Variants in LYPD6 observed in about 807,000 individuals in gnomAD.
LYPD6 encodes ly6/PLAUR domain-containing protein 6.
A neutral mutation model predicts 22.7 loss-of-function variants in LYPD6; 15 were observed. The observed-to-expected ratio is 0.66, with a 90% CI of 0.44 to 1.02. LYPD6 has a LOEUF of 1.02. Among genes scored for constraint, LYPD6 ranks in the 50% least tolerant of loss-of-function variants. LYPD6 has a pLI of 0.00. For missense variants in LYPD6, 189 were observed against 208.4 expected, an observed-to-expected ratio of 0.91 and a Z score of 0.57; for synonymous variants, 72 against 77.5, an observed-to-expected ratio of 0.93 and a Z score of 0.37.
intron 1 of LYPD6, among the ~76,000 whole-genome samples, chr2:149,341,190 C>A (rs1405573): frequency 6.6e-6 from 1 of 151,816 alleles, no homozygotes; most frequent in Non-Finnish European, 1.5e-5. Flanking sequence ...AAGAACTACC[C>A]GAGTGAATTC....
At chr2:149,377,781 ACCCCCC>A (rs70994571) in intron 1 of LYPD6, among the ~76,000 whole-genome samples, 3 of 94,252 alleles carry the variant, frequency 3.2e-5, no homozygotes, top group Admixed American at 1.1e-4. Flanking sequence ...CTTTGTCCCC[ACCCCCC>A]CCCCCACCCC....
intron 3 of LYPD6, among the ~76,000 whole-genome samples, chr2:149,451,539 A>G (rs1680810432): frequency 6.6e-6 from 1 of 151,968 alleles, no homozygotes; most frequent in Admixed American, 6.5e-5. Context: ...GTTTGATGGT[A>G]TACAAGTATA....
At chr2:149,443,994 T>A (rs1027238212) in intron 2 of LYPD6, among the ~76,000 whole-genome samples, 3 of 144,846 alleles carry the variant, frequency 2.1e-5, no homozygotes, top group Non-Finnish European at 4.5e-5. Context: ...AGTGCAGTGG[T>A]GCAATCTCAG....
chr2:149,398,837 A>G (rs886509168), intron 1 of LYPD6, among the ~76,000 whole-genome samples: 6 of 152,192 alleles, frequency 3.9e-5, no homozygotes, highest in African/African-American at 1.4e-4. Context: ...ATCCTAACAA[A>G]AAGGTATAAA....
At chr2:149,400,838 G>C (rs1682539208) in intron 1 of LYPD6, among the ~76,000 whole-genome samples, 2 of 152,142 alleles carry the variant, frequency 1.3e-5, no homozygotes, top group Admixed American at 1.3e-4. Flanking sequence ...TGTAAATCTA[G>C]ATGGATCCTC....
intron 1 of LYPD6, among the ~76,000 whole-genome samples, chr2:149,414,918 G>A (rs1682929794): frequency 6.6e-6 from 1 of 152,186 alleles, no homozygotes; most frequent in African/African-American, 2.4e-5. Context: ...GGGTGCGTTT[G>A]TCCTCCTGTT....
In LYPD6 at chr2:149,470,839, C is replaced by A; in HGVS notation, c.505C>A (p.Leu169Ile). The A allele has an allele frequency of 6.2e-7, 1 of 1,612,484 alleles. No individual in the cohort carries two copies. Among genetic ancestry groups the A allele is most frequent in the Non-Finnish European group, 8.5e-7 (1 of 1,178,956 alleles). ...IVSCLWLWLG[L>I]ML is the part of the protein sequence containing the mutation. ...GTCCTGCTTGTGGTTGTGGTTAGGG[C>A]TCATGTTATAGTGGCTCAGTGGCTC... The change falls in exon 5 of 5, where the codon CTC becomes ATC. Residue 169 changes from leucine to isoleucine, a missense_variant. Physicochemically the swap from Leu to Ile is conservative, Grantham distance 5 (BLOSUM62 2). Transcript: ENST00000334166.
chr2:149,413,127 G>A (rs1295024382), intron 1 of LYPD6, among the ~76,000 whole-genome samples: 1 of 152,144 alleles, frequency 6.6e-6, no homozygotes, highest in Non-Finnish European at 1.5e-5. Context: ...AGTACCATCT[G>A]CAGTTGGCCT....
At chr2:149,403,028 A>G (rs917261608) in intron 1 of LYPD6, among the ~76,000 whole-genome samples, 149 of 151,882 alleles carry the variant, frequency 9.8e-4, no homozygotes, top group Non-Finnish European at 1.6e-3. Context: ...ATGATTTCCA[A>G]TTTCATCCAT....
intron 1 of LYPD6, among the ~76,000 whole-genome samples, chr2:149,425,392 A>C (rs986400644): frequency 6.6e-6 from 1 of 152,218 alleles, no homozygotes; most frequent in Non-Finnish European, 1.5e-5. Flanking sequence ...AATGTATATA[A>C]CAGATACTGT....
At chr2:149,462,909 C>T (rs1010563696) in intron 3 of LYPD6, among the ~76,000 whole-genome samples, 7 of 152,012 alleles carry the variant, frequency 4.6e-5, no homozygotes, top group African/African-American at 1.7e-4. Context: ...GAATCACAGA[C>T]TTAAATGTGA....
chr2:149,360,794 C>T (rs1179220601), intron 1 of LYPD6, among the ~76,000 whole-genome samples: 3 of 152,124 alleles, frequency 2.0e-5, no homozygotes, highest in Non-Finnish European at 2.9e-5. Flanking sequence ...TAGCCTTTCA[C>T]AATATAGCTT....
At chr2:149,407,008 A>C (rs1559140835) in intron 1 of LYPD6, among the ~76,000 whole-genome samples, 2 of 151,966 alleles carry the variant, frequency 1.3e-5, no homozygotes, top group African/African-American at 2.4e-5. Flanking sequence ...GTTTGGCTGG[A>C]TATGAAATTC....
intron 1 of LYPD6, among the ~76,000 whole-genome samples, chr2:149,384,134 G>A (rs1156468004): frequency 6.6e-6 from 1 of 152,100 alleles, no homozygotes; most frequent in Non-Finnish European, 1.5e-5. Flanking sequence ...TATTTGAATG[G>A]ATGAACTGAT....
intron 3 of LYPD6, among the ~76,000 whole-genome samples, chr2:149,461,389 A>G (rs1450297798): frequency 2.0e-5 from 3 of 151,900 alleles, no homozygotes; most frequent in African/African-American, 4.8e-5. Flanking sequence ...AATTTTTTTT[A>G]TAACTTAAAA....
rs757229333 is a variant in LYPD6 at position 149,437,750 on chromosome 2, C to T, written c.42C>T (p.Ser14=). The change falls in exon 2 of 5, where the codon AGC becomes AGT. Residue 14 remains serine (S), a synonymous_variant. Transcript: ENST00000334166. The part of the protein sequence containing the change: ...GPALAWLLLL[S]LLADCLKAAQ... ...CTCTGGCCTGGCTCCTGCTCCTGAG[C>T]CTGCTGGCGGATTGTCTGAAAGCTG... 6.2e-7 allele frequency: 1 copy of T among 1,614,178 alleles called. No homozygotes were observed. Among genetic ancestry groups the T allele is most frequent in the Admixed American group, 1.7e-5 (1 of 60,020 alleles).
chr2:149,354,334 A>T (rs368453404), intron 1 of LYPD6, among the ~76,000 whole-genome samples: 1 of 152,080 alleles, frequency 6.6e-6, no homozygotes, highest in Admixed American at 6.5e-5. Context: ...CAGCCTCCTG[A>T]GTAGCTGGGA....
intron 1 of LYPD6, among the ~76,000 whole-genome samples, chr2:149,334,309 T>A (rs917888320): frequency 1.3e-5 from 2 of 152,208 alleles, no homozygotes; most frequent in Non-Finnish European, 2.9e-5. Flanking sequence ...CCTTAAATAC[T>A]GTGAAATAAG....
chr2:149,362,214 G>A (rs1358394476), intron 1 of LYPD6, among the ~76,000 whole-genome samples: 1 of 152,102 alleles, frequency 6.6e-6, no homozygotes, highest in Non-Finnish European at 1.5e-5. Flanking sequence ...CTAATACAGT[G>A]GAGGAGAGGA....
Sources: gnomAD v4.1 joint callset for allele counts (sites outside exome capture counted in the v4.1 genomes callset) on GRCh38, gnomAD v4.1.1 for gene constraint, MANE v1.5 for transcripts, NCBI Gene and HGNC (gene_info 2026-07-23, HGNC 2026-07-21) for gene names.